RGS8: variants seen among roughly 807,000 people sequenced by gnomAD.
The protein encoded by RGS8 is regulator of G protein signaling 8.
Under a neutral mutation model 21.7 loss-of-function variants are expected in RGS8, and 8 were observed. That is an observed-to-expected ratio of 0.37 (90% confidence interval 0.22 to 0.66). The LOEUF (loss-of-function observed/expected upper bound fraction) is 0.66. Ranked by LOEUF, RGS8 falls within the 30% of genes least tolerant of loss-of-function variation. RGS8 has a pLI of 0.59. For synonymous variants in RGS8, 80 were observed against 83.6 expected (o/e 0.96, Z 0.24); for missense variants, 157 against 217.9 (o/e 0.72, Z 1.76).
the RGS8 span, among the ~76,000 whole-genome samples, chr1:182,732,269 T>TCA: frequency 2.6e-3 from 334 of 126,444 alleles, 1 homozygote; most frequent in African/African-American, 9.2e-3. Flanking sequence ...GCTCTCTCTC[T>TCA]CATACACACA....
chr1:182,646,765 C>A (rs1341163196), exon 7 of RGS8: 2 of 1,613,860 alleles, frequency 1.2e-6, no homozygotes, highest in African/African-American at 2.7e-5. Flanking sequence ...TTTGGGACAG[C>A]AGATCTAAGT....
intron 5 of RGS8, among the ~76,000 whole-genome samples, chr1:182,648,778 G>A (rs1240104747): frequency 1.5e-4 from 23 of 151,808 alleles, no homozygotes. Context: ...ACACAAAAGT[G>A]TCCTCAGAGG....
chr1:182,723,982 G>C, the RGS8 span, among the ~76,000 whole-genome samples: 1 of 151,840 alleles, frequency 6.6e-6, no homozygotes, highest in Non-Finnish European at 1.5e-5. Flanking sequence ...TGGATAATGT[G>C]ATAGTTAATA....
At chr1:182,741,144 C>T in the RGS8 span, among the ~76,000 whole-genome samples, 1 of 150,706 alleles carries the variant, frequency 6.6e-6, no homozygotes, top group African/African-American at 2.4e-5. Flanking sequence ...GGCAGAGGCG[C>T]CCCTCACCTC....
At chr1:182,675,740 A>G (rs181187580), upstream of RGS8, among the ~76,000 whole-genome samples, 6 of 152,110 alleles carry the variant, frequency 3.9e-5, no homozygotes, top group Admixed American at 2.6e-4. Flanking sequence ...AATTCTCCCA[A>G]TCAGAAGGAA....
At chr1:182,737,658 C>A in the RGS8 span, among the ~76,000 whole-genome samples, 1 of 152,182 alleles carries the variant, frequency 6.6e-6, no homozygotes, top group South Asian at 2.1e-4. Context: ...TCCATCAAAT[C>A]TCTCTTTTAT....
the RGS8 span, among the ~76,000 whole-genome samples, chr1:182,717,791 G>A: frequency 6.6e-6 from 1 of 152,116 alleles, no homozygotes; most frequent in African/African-American, 2.4e-5. Context: ...CCTGGTCACT[G>A]GTATGTCCTC....
the RGS8 span, among the ~76,000 whole-genome samples, chr1:182,747,043 C>CTTTTTTTTTTTTTTGTTTTTTT: frequency 4.8e-5 from 1 of 21,028 alleles, no homozygotes; most frequent in East Asian, 2.2e-3. Flanking sequence ...CACTGCTGGT[C>CTTTTTTTTTTTTTTGTTTTTTT]TTTTTTTTTT....
chr1:182,649,375 G>A (rs1662884066), intron 5 of RGS8, among the ~76,000 whole-genome samples: 1 of 152,134 alleles, frequency 6.6e-6, no homozygotes, highest in African/African-American at 2.4e-5. Flanking sequence ...CCACTGAAAT[G>A]CAGTCGGCAG....
intron 5 of RGS8, among the ~76,000 whole-genome samples, chr1:182,657,428 G>A (rs1005352589): frequency 1.1e-4 from 16 of 151,892 alleles, no homozygotes; most frequent in African/African-American, 2.7e-4. Flanking sequence ...AGGCTCATTC[G>A]TGTCTCCCAG....
At chr1:182,645,819 C>T (rs1662677552), downstream of RGS8, 1 of 152,200 alleles carries the variant, frequency 6.6e-6, no homozygotes, top group Non-Finnish European at 1.5e-5. Flanking sequence ...ATTCACCTCC[C>T]TTTGCCAAGC....
At chr1:182,671,896 C>A in exon 1 of RGS8, 1 of 1,478,666 alleles carries the variant, frequency 6.8e-7, no homozygotes, top group South Asian at 1.4e-5. Flanking sequence ...GAAAGCTCTT[C>A]TCTCTGCTTG....
downstream of RGS8, chr1:182,643,641 G>C (rs901093207): frequency 1.3e-5 from 2 of 152,166 alleles, no homozygotes; most frequent in African/African-American, 4.8e-5. Context: ...GCATCTCTGG[G>C]TGTGCACCTG....
the RGS8 span, among the ~76,000 whole-genome samples, chr1:182,728,965 G>T: frequency 6.6e-6 from 1 of 152,124 alleles, no homozygotes; most frequent in Non-Finnish European, 1.5e-5. Context: ...TCACAAACCT[G>T]CACATCCTGT....
At chr1:182,736,809 G>T in the RGS8 span, among the ~76,000 whole-genome samples, 1 of 152,148 alleles carries the variant, frequency 6.6e-6, no homozygotes. Context: ...ACTCTTTCCC[G>T]CTCTGCTCTT....
the RGS8 span, among the ~76,000 whole-genome samples, chr1:182,716,663 T>C: frequency 6.6e-6 from 1 of 152,118 alleles, no homozygotes; most frequent in South Asian, 2.1e-4. Context: ...CCCATAGTCA[T>C]ACTGCTAGTA....
chr1:182,708,722 A>G, the RGS8 span, among the ~76,000 whole-genome samples: 1 of 152,202 alleles, frequency 6.6e-6, no homozygotes, highest in Non-Finnish European at 1.5e-5. Context: ...AAGTTTGCGG[A>G]GTAAGTTTGG....
At position 182,653,170 on chromosome 1, in the gene RGS8, C is replaced by CT. The variant is rs1285288558; in HGVS notation, c.194-4868dup. ...GCCCAGAGGTCAAGCTAGATACAGT[C>CT]TGAGAAGCAGTCAGTAGATTCAGCA... On this transcript the variant is annotated intron_variant, in intron 5 of 6. Coordinates refer to ENST00000483095, the Ensembl canonical transcript of RGS8. 5.9e-5 allele frequency among the ~76,000 whole-genome samples: 9 copies of CT among 152,234 alleles called. No homozygotes were observed. The East Asian group carries it at 1.7e-3, about 29-fold the overall frequency.
the RGS8 span, among the ~76,000 whole-genome samples, chr1:182,709,025 C>T: frequency 6.6e-6 from 1 of 151,646 alleles, no homozygotes; most frequent in East Asian, 1.9e-4. Flanking sequence ...ATTTCCCACA[C>T]ACCTTCTTCT....
Sources: gnomAD v4.1 joint callset for allele counts (sites outside exome capture counted in the v4.1 genomes callset) on GRCh38, gnomAD v4.1.1 for gene constraint, MANE v1.5 for transcripts, NCBI Gene and HGNC (gene_info 2026-07-23, HGNC 2026-07-21) for gene names.